Variants in GALNT8 observed in about 807,000 individuals in gnomAD.
GALNT8 encodes polypeptide N-acetylgalactosaminyltransferase 8, also known as probable polypeptide N-acetylgalactosaminyltransferase 8.
A neutral mutation model predicts 62.7 loss-of-function variants in GALNT8; 66 were observed. The observed-to-expected ratio is 1.05, with a 90% CI of 0.86 to 1.29. The LOEUF is 1.29. Ranked by LOEUF, GALNT8 falls within the 50% of genes most tolerant of loss-of-function variation. GALNT8 has a pLI of 0.00. For synonymous variants in GALNT8, 288 were observed against 294.3 expected (o/e 0.98, Z 0.22); for missense variants, 771 against 791.8 (o/e 0.97, Z 0.32).
In GALNT8 at chr12:4,726,657, A is replaced by G. The variant is rs969017874; in HGVS notation, c.337A>G (p.Lys113Glu). Residue 113 changes from lysine (K) to glutamate (E), a missense_variant, in exon 2 of 11, where the codon AAA (lysine) becomes GAA (glutamate). Physicochemically the swap from Lys to Glu is moderately conservative, Grantham distance 56. Transcript: ENST00000252318. The surrounding 1 kb of genome is among the most constrained non-coding windows in gnomAD (Gnocchi z 4.1). The part of the protein sequence containing the change: ...ETKVNETKKH[K>E]TQMKLFPHSQ... ...CAAGGTGAATGAGACAAAGAAGCAC[A>G]AAACCCAAATGAAACTCTTCCCACA... 3.7e-6 allele frequency: 6 copies of G among 1,613,944 alleles called. No homozygotes were observed. Among genetic ancestry groups the G allele is most frequent in the Non-Finnish European group, 5.1e-6 (6 of 1,179,920 alleles).
At chr12:4,752,218 C>T (rs34310347) in intron 6 of GALNT8, among the ~76,000 whole-genome samples, 19,015 of 151,854 alleles carry the variant, frequency 0.13, 1,418 homozygotes, top group Middle Eastern at 0.19. Flanking sequence ...CACTCTATGT[C>T]TTGATTGGAG....
chr12:4,724,704 C>T (rs983765193), intron 1 of GALNT8, among the ~76,000 whole-genome samples: 2 of 152,192 alleles, frequency 1.3e-5, no homozygotes, highest in Non-Finnish European at 2.9e-5. Flanking sequence ...AGAGACCTAC[C>T]ATTTACTTTT....
In GALNT8 at chr12:4,765,395, T is replaced by C; in HGVS notation, c.1610T>C (p.Leu537Pro). The C allele has an allele frequency of 1.3e-6, 1 of 766,604 alleles. No homozygotes were observed. The highest frequency in any genetic ancestry group is 2.1e-6 in the Non-Finnish European group (1 of 465,542). The allele number at this position is 766,604 out of a possible 1,614,324, so 47.5% of individuals were successfully genotyped here. Residue 537 changes from leucine to proline, a missense_variant, in exon 10 of 11, where the codon CTA becomes CCA. Transcript: ENST00000252318. ...EFSSQNVYYH[L>P]TGELYVGQLI... is the part of the protein sequence containing the mutation. ...TTTTTTTAGAATGTCTACTATCACC[T>C]AACTGGGGAGCTCTATGTGGGACAA...
chr12:4,752,534 GAA>G (rs200703013), intron 6 of GALNT8, among the ~76,000 whole-genome samples: 11 of 137,584 alleles, frequency 8.0e-5, no homozygotes, highest in Non-Finnish European at 1.3e-4. Flanking sequence ...CCAAACAATT[GAA>G]AAAAAAAAAA....
chr12:4,748,397 A>G (rs1565386427), intron 6 of GALNT8, among the ~76,000 whole-genome samples: 2 of 152,048 alleles, frequency 1.3e-5, no homozygotes, highest in Non-Finnish European at 1.5e-5. Flanking sequence ...TTATTTTTGT[A>G]TATGGTGAGA....
In GALNT8 at chr12:4,726,646, CAAA is replaced by C. The variant is rs1226618212; in HGVS notation, c.327_329del (p.Lys111del). The C allele has an allele frequency of 1.2e-6, 2 of 1,613,608 alleles. No individual in the cohort carries two copies. The highest frequency in any genetic ancestry group is 2.7e-5 in the African/African-American group (2 of 74,810). Reference sequence around the variant, plus strand: ...GCAATGGAAACCAAGGTGAATGAGACAAAGAAGCACAAAACCCAAATGAAACTC... The same window carrying C: ...GCAATGGAAACCAAGGTGAATGAGACGAAGCACAAAACCCAAATGAAACTC... On this transcript the variant is annotated inframe_deletion, in exon 2 of 11. Transcript: ENST00000252318. The surrounding 1 kb of genome is among the most constrained non-coding windows in gnomAD (Gnocchi z 4.1).
rs768188014 is a variant in GALNT8 at position 4,744,664 on chromosome 12, C to T, written c.824C>T (p.Ala275Val). The change falls in exon 4 of 11, where the codon GCC (alanine) becomes GTC (valine). Residue 275 changes from alanine (A) to valine (V), a missense_variant. Ala to Val is a moderately conservative substitution (Grantham distance 64). Coordinates refer to ENST00000252318, the MANE Select transcript of GALNT8 (RefSeq NM_017417.2). Reference protein sequence around the residue: ...GWEAATADVVAILDAHIEVNV... With the variant: ...GWEAATADVVVILDAHIEVNV... ...GAAGCTGCCACAGCAGACGTGGTCGCCATCTTGGATGCTCACATTGAAGTC... is the reference window on the plus strand; with the variant it reads ...GAAGCTGCCACAGCAGACGTGGTCGTCATCTTGGATGCTCACATTGAAGTC... 2.5e-6 allele frequency: 4 copies of T among 1,612,994 alleles called. No homozygotes were observed. In the South Asian group the frequency reaches 3.3e-5, roughly 13 times the overall value.
intron 7 of GALNT8, among the ~76,000 whole-genome samples, chr12:4,762,473 G>T (rs1209886125): frequency 6.6e-6 from 1 of 152,110 alleles, no homozygotes; most frequent in Non-Finnish European, 1.5e-5. Flanking sequence ...CCAAATCTTG[G>T]TATTAGAGTA....
chr12:4,738,319 C>G (rs1435417904), intron 2 of GALNT8, among the ~76,000 whole-genome samples: 3 of 152,110 alleles, frequency 2.0e-5, no homozygotes, highest in Admixed American at 1.3e-4. Context: ...CTATAAAACT[C>G]TTAGAAAAAA....
At chr12:4,771,735 G>A (rs747913437) in intron 10 of GALNT8, among the ~76,000 whole-genome samples, 38 of 152,188 alleles carry the variant, frequency 2.5e-4, no homozygotes, top group Admixed American at 1.0e-3. Flanking sequence ...ACGTGGGAGA[G>A]AGAGGGCCGG....
intron 10 of GALNT8, among the ~76,000 whole-genome samples, chr12:4,771,304 G>T (rs1315487985): frequency 1.3e-5 from 2 of 152,176 alleles, no homozygotes; most frequent in Admixed American, 6.5e-5. Flanking sequence ...AGGAGTGGTG[G>T]CAGTGGTGGA....
chr12:4,726,328 A>G lies in GALNT8; in HGVS notation c.212-204A>G, dbSNP rs1042769197. ...AGTTTTGATGGGGCTAAAGGGAGAG[A>G]CGTATCTAGTACATACTTTGCTGGG... On this transcript the variant is annotated intron_variant, in intron 1 of 10. Coordinates refer to ENST00000252318, the MANE Select transcript of GALNT8 (RefSeq NM_017417.2). The surrounding 1 kb of genome is among the most constrained non-coding windows in gnomAD (Gnocchi z 4.1). 1.4e-4 allele frequency among the ~76,000 whole-genome samples: 22 copies of G among 152,118 alleles called. No individual in the cohort carries two copies. Among genetic ancestry groups the G allele is most frequent in the African/African-American group, 5.3e-4 (22 of 41,406 alleles).
chr12:4,747,581 C>G (rs1159932539), intron 6 of GALNT8, among the ~76,000 whole-genome samples: 2 of 152,024 alleles, frequency 1.3e-5, no homozygotes, highest in Admixed American at 6.6e-5. Flanking sequence ...GAATAATACT[C>G]TATTGCATAC....
At position 4,720,672 on chromosome 12, in the gene GALNT8, A is replaced by G. The variant is rs1385325974; in HGVS notation, c.-6A>G. On this transcript the variant is annotated 5_prime_UTR_variant, in exon 1 of 11. Coordinates refer to ENST00000252318, the MANE Select transcript of GALNT8 (RefSeq NM_017417.2). ...CCACAGGGAGTGGACGACCCCCAGG[A>G]AGAAGATGATGTTTTGGAGGAAACT... 6.3e-7 allele frequency: 1 copy of G among 1,595,066 alleles called. No individual in the cohort carries two copies.
chr12:4,735,476 C>T (rs1946240447), intron 2 of GALNT8, among the ~76,000 whole-genome samples: 1 of 152,086 alleles, frequency 6.6e-6, no homozygotes, highest in African/African-American at 2.4e-5. Context: ...TTGGTATCAC[C>T]CCAGGAAGGG....
Position 4,726,741 on chromosome 12 carries a change from C to G in GALNT8, c.421C>G (p.Gln141Glu), listed in dbSNP as rs780979745. Reference sequence around the variant, plus strand: ...TTCTGAGGCCCAGCAGAAGGCGGCCCAGGACCTCTTCCGGAAGTTTGGTTA... The same window carrying G: ...TTCTGAGGCCCAGCAGAAGGCGGCCGAGGACCTCTTCCGGAAGTTTGGTTA... ...DLSEAQQKAA[Q>E]DLFRKFGYNA... Residue 141 changes from glutamine (Q) to glutamate (E), a missense_variant, in exon 2 of 11, where the codon CAG becomes GAG. Gln to Glu is a conservative substitution (Grantham distance 29, BLOSUM62 2). Coordinates refer to ENST00000252318, the MANE Select transcript of GALNT8 (RefSeq NM_017417.2). This position sits in a 1 kb window ranked among gnomAD's most constrained non-coding sequence, Gnocchi z 4.1. The G allele has an allele frequency of 3.1e-6, 5 of 1,613,954 alleles. 1 individual carries two copies. The South Asian group carries it at 5.5e-5, about 18-fold the overall frequency.
At chr12:4,740,973 G>T (rs533331013) in intron 3 of GALNT8, among the ~76,000 whole-genome samples, 6 of 152,300 alleles carry the variant, frequency 3.9e-5, no homozygotes, top group Admixed American at 2.6e-4. Context: ...CTCAGCAATT[G>T]TTGGCTCTTA....
chr12:4,756,494 T>A (rs1946345737), intron 6 of GALNT8, among the ~76,000 whole-genome samples: 1 of 152,206 alleles, frequency 6.6e-6, no homozygotes, highest in Admixed American at 6.5e-5. Context: ...CAGGGTGGCA[T>A]TGTAACAAAC....
intron 3 of GALNT8, among the ~76,000 whole-genome samples, chr12:4,741,196 C>T (rs1271090420): frequency 1.3e-5 from 2 of 152,126 alleles, no homozygotes; most frequent in Admixed American, 6.5e-5. Context: ...ACTGCTTAAA[C>T]CTTCTTTTTT....
Sources: allele counts gnomAD v4.1 joint callset (sites outside exome capture counted in the v4.1 genomes callset), GRCh38; gene constraint gnomAD v4.1.1; non-coding constraint Gnocchi (gnomAD v3.1); transcripts MANE v1.5; gene names NCBI Gene and HGNC (gene_info 2026-07-23, HGNC 2026-07-21).